Variants in BMP6 observed in about 807,000 individuals in gnomAD.
The protein encoded by BMP6 is bone morphogenetic protein 6.
A neutral mutation model predicts 54.1 loss-of-function variants in BMP6; 17 were observed. The ratio of observed to expected loss-of-function variants is 0.31; its 90% CI spans 0.22 to 0.47. The LOEUF (loss-of-function observed/expected upper bound fraction) is 0.47, where lower values mean the gene tolerates loss of function less well. Among genes scored for constraint, BMP6 ranks in the 20% least tolerant of loss-of-function variants. The pLI, the probability that BMP6 is intolerant of heterozygous loss-of-function variation, is 1.00. For missense variants in BMP6, 720 were observed against 690.4 expected (o/e 1.04, Z -0.48); for synonymous variants, 328 against 291.2 (o/e 1.13, Z -1.28).
At chr6:7,785,817 AGGACCCT>A (rs1323841873) in intron 1 of BMP6, among the ~76,000 whole-genome samples, 1 of 152,236 alleles carries the variant, frequency 6.6e-6, no homozygotes, top group Non-Finnish European at 1.5e-5. Context: ...TGTCCTTCCA[AGGACCCT>A]TTTGCCAACT....
chr6:7,727,066 C>A lies in BMP6; in HGVS notation c.111C>A (p.Ala37=). 2.5e-6 allele frequency: 3 copies of A among 1,218,460 alleles called. No homozygotes were observed. The highest frequency in any genetic ancestry group is 7.9e-5 in the South Asian group (2 of 25,178). 75.5% of individuals were successfully genotyped at this position (1,218,460 alleles called of 1,614,324 possible). A position where few individuals can be genotyped will look rare whatever the true frequency, so the allele number is the denominator to read the frequency against. ...CGCCCTTGCCCGCTGCCGCGGCCGCCGCCGCCGGGGGGCAGCTGCTGGGGG... is the reference window on the plus strand; with the variant it reads ...CGCCCTTGCCCGCTGCCGCGGCCGCAGCCGCCGGGGGGCAGCTGCTGGGGG... ...LRPPLPAAAA[A]AAGGQLLGDG... The change falls in exon 1 of 7, where the codon GCC becomes GCA. Residue 37 remains alanine (A), a synonymous_variant. Coordinates refer to ENST00000283147, the MANE Select transcript of BMP6 (RefSeq NM_001718.6).
intron 1 of BMP6, among the ~76,000 whole-genome samples, chr6:7,803,572 A>G (rs1268577878): frequency 1.3e-5 from 2 of 152,100 alleles, no homozygotes; most frequent in Non-Finnish European, 2.9e-5. Flanking sequence ...TGTCCATGCC[A>G]CTGTCTCCAC....
At chr6:7,837,147 TTAAAGTAAA>T (rs1758888369) in intron 1 of BMP6, among the ~76,000 whole-genome samples, 1 of 152,214 alleles carries the variant, frequency 6.6e-6, no homozygotes, top group African/African-American at 2.4e-5. Flanking sequence ...GTGATTACTT[TTAAAGTAAA>T]TATGTTAAAT....
At chr6:7,775,165 T>TG (rs35433788) in intron 1 of BMP6, among the ~76,000 whole-genome samples, 1 of 152,204 alleles carries the variant, frequency 6.6e-6, no homozygotes, top group Non-Finnish European at 1.5e-5. Flanking sequence ...ACATGAACTT[T>TG]GGGGGACACC....
intron 4 of BMP6, among the ~76,000 whole-genome samples, chr6:7,871,454 G>C (rs772226662): frequency 4.6e-5 from 7 of 152,194 alleles, no homozygotes; most frequent in Non-Finnish European, 7.4e-5. Flanking sequence ...ATTCGTCCTG[G>C]GGGGGCTTTT....
chr6:7,781,290 A>G (rs1452661518), intron 1 of BMP6, among the ~76,000 whole-genome samples: 1 of 152,246 alleles, frequency 6.6e-6, no homozygotes, highest in East Asian at 1.9e-4. Context: ...GTGATGTGCT[A>G]AAGTTCACAT....
At chr6:7,879,563 GCA>G (rs1193001666) in intron 5 of BMP6, among the ~76,000 whole-genome samples, 1 of 152,244 alleles carries the variant, frequency 6.6e-6, no homozygotes, top group Admixed American at 6.5e-5. Context: ...ATGCAGAAGA[GCA>G]CACGTTTGCC....
chr6:7,745,981 G>A (rs1040980822), intron 1 of BMP6, among the ~76,000 whole-genome samples: 1 of 152,130 alleles, frequency 6.6e-6, no homozygotes, highest in South Asian at 2.1e-4. Flanking sequence ...AAAAAAGAGA[G>A]AGAGAGAATA....
At chr6:7,762,807 G>A (rs1002415677) in intron 1 of BMP6, among the ~76,000 whole-genome samples, 8 of 152,202 alleles carry the variant, frequency 5.3e-5, no homozygotes, top group South Asian at 4.1e-4. Context: ...CCATATTCTC[G>A]CAGTTCTTCT....
At chr6:7,805,620 A>G (rs1021734401) in intron 1 of BMP6, among the ~76,000 whole-genome samples, 1 of 152,264 alleles carries the variant, frequency 6.6e-6, no homozygotes, top group Non-Finnish European at 1.5e-5. Context: ...TAGAGGTTTC[A>G]GATAACAGAA....
At chr6:7,779,991 C>T (rs996559067) in intron 1 of BMP6, among the ~76,000 whole-genome samples, 15 of 152,092 alleles carry the variant, frequency 9.9e-5, no homozygotes, top group African/African-American at 2.9e-4. Context: ...TTTACAGCTC[C>T]GGTTCACCTC....
At chr6:7,818,449 T>C (rs1263603869) in intron 1 of BMP6, among the ~76,000 whole-genome samples, 1 of 152,248 alleles carries the variant, frequency 6.6e-6, no homozygotes, top group Admixed American at 6.5e-5. Context: ...AAAAGTGTTT[T>C]TGTTTTTTCC....
chr6:7,833,530 G>T (rs1056654000), intron 1 of BMP6, among the ~76,000 whole-genome samples: 1 of 152,142 alleles, frequency 6.6e-6, no homozygotes, highest in African/African-American at 2.4e-5. Flanking sequence ...AGTAAGAAAC[G>T]CAAGCCTCTT....
At position 7,881,462 on chromosome 6, in the gene BMP6, AATTT is replaced by A. The variant is rs1759730341; in HGVS notation, c.*1123_*1126del. On this transcript the variant is annotated 3_prime_UTR_variant, in exon 7 of 7. Coordinates refer to ENST00000283147, the MANE Select transcript of BMP6 (RefSeq NM_001718.6). ...AGCTTTTTTTGTAAATATAAACTAT[AATTT>A]ATTGTCTATTTTATATCTGTTTTGC... is the stretch of plus-strand genomic sequence containing the variant. 6.6e-6 allele frequency: 1 copy of A among 152,634 alleles called. No individual in the cohort carries two copies. The highest frequency in any genetic ancestry group is 2.4e-5 in the African/African-American group (1 of 41,450). 9.5% of individuals were successfully genotyped at this position (152,634 alleles called of 1,614,324 possible).
intron 1 of BMP6, among the ~76,000 whole-genome samples, chr6:7,755,845 C>T (rs772923649): frequency 4.6e-5 from 7 of 152,102 alleles, no homozygotes; most frequent in African/African-American, 1.4e-4. Flanking sequence ...ATTTCCCTTG[C>T]AGCACTTTAT....
At chr6:7,874,096 C>T (rs1463366948) in intron 4 of BMP6, among the ~76,000 whole-genome samples, 1 of 152,138 alleles carries the variant, frequency 6.6e-6, no homozygotes, top group Non-Finnish European at 1.5e-5. Context: ...TCCCCTGCTG[C>T]ACCCAGCTGG....
intron 1 of BMP6, among the ~76,000 whole-genome samples, chr6:7,822,989 C>T (rs1758639623): frequency 6.6e-6 from 1 of 150,878 alleles, no homozygotes; most frequent in African/African-American, 2.4e-5. Context: ...TGGTCTATTC[C>T]GAAGTTTCCG....
At chr6:7,855,449 C>G (rs935109131) in intron 2 of BMP6, among the ~76,000 whole-genome samples, 1 of 151,522 alleles carries the variant, frequency 6.6e-6, no homozygotes, top group Admixed American at 6.6e-5. Context: ...TAAAAGAGCA[C>G]GTACAACACA....
intron 2 of BMP6, among the ~76,000 whole-genome samples, chr6:7,853,765 GCAGTGAGCTTTT>G (rs1481819557): frequency 6.6e-6 from 1 of 152,190 alleles, no homozygotes; most frequent in East Asian, 1.9e-4. Context: ...CGAGAGGCAA[GCAGTGAGCTTTT>G]CAGTATTTGT....
Sources: gnomAD v4.1 joint callset for allele counts (sites outside exome capture counted in the v4.1 genomes callset) on GRCh38, gnomAD v4.1.1 for gene constraint, MANE v1.5 for transcripts, NCBI Gene and HGNC (gene_info 2026-07-23, HGNC 2026-07-21) for gene names.